Variants in SLC25A21 observed in about 807,000 individuals in gnomAD.
SLC25A21 encodes mitochondrial 2-oxodicarboxylate carrier.
A neutral mutation model predicts 43.8 loss-of-function variants in SLC25A21; 47 were observed. The observed-to-expected ratio is 1.07, with a 90% CI of 0.85 to 1.37. SLC25A21 has a LOEUF of 1.37. Ranked by LOEUF, SLC25A21 falls within the 40% of genes most tolerant of loss-of-function variation. The probability of loss-of-function intolerance (pLI) is 0.00; values close to 1 mark genes in which losing one functional copy is unlikely to be tolerated. For synonymous variants in SLC25A21, 131 were observed against 121.3 expected (o/e 1.08, Z -0.52); for missense variants, 352 against 350.2 (o/e 1.00, Z -0.04).
intron 3 of SLC25A21, among the ~76,000 whole-genome samples, chr14:36,756,526 G>C (rs1477017584): frequency 6.6e-6 from 1 of 152,192 alleles, no homozygotes; most frequent in Non-Finnish European, 1.5e-5. Flanking sequence ...CTGTGCTCAA[G>C]GATGCGGAAA....
At chr14:36,785,600 A>G (rs1368271236) in intron 3 of SLC25A21, among the ~76,000 whole-genome samples, 1 of 152,230 alleles carries the variant, frequency 6.6e-6, no homozygotes, top group Non-Finnish European at 1.5e-5. Context: ...TTAAAACTAC[A>G]ATATGAAAAG....
chr14:36,732,199 C>T (rs927732978), intron 4 of SLC25A21, among the ~76,000 whole-genome samples: 2 of 150,804 alleles, frequency 1.3e-5, no homozygotes, highest in Admixed American at 1.3e-4. Flanking sequence ...TATATGTTTC[C>T]TTTATTCATC....
chr14:36,728,797 T>G (rs1884700185), intron 5 of SLC25A21, among the ~76,000 whole-genome samples: 1 of 152,222 alleles, frequency 6.6e-6, no homozygotes, highest in Admixed American at 6.5e-5. Context: ...ATGCAGATTT[T>G]GTTTTGCTTT....
chr14:37,032,326 G>C (rs1262091391), intron 1 of SLC25A21, among the ~76,000 whole-genome samples: 1 of 152,026 alleles, frequency 6.6e-6, no homozygotes, highest in South Asian at 2.1e-4. Context: ...ACGAGGTCAC[G>C]AGATCGAGAC....
intron 2 of SLC25A21, among the ~76,000 whole-genome samples, chr14:36,868,077 T>C (rs1004685686): frequency 1.8e-4 from 27 of 151,618 alleles, no homozygotes; most frequent in Non-Finnish European, 3.8e-4. Context: ...ATGAAGCCTA[T>C]ATAAGAAAAG....
chr14:37,070,197 CT>C (rs1207834617), intron 1 of SLC25A21, among the ~76,000 whole-genome samples: 5 of 152,110 alleles, frequency 3.3e-5, no homozygotes, highest in Non-Finnish European at 5.9e-5. Context: ...GCCCATTTAC[CT>C]TCTTTGATGG....
At position 36,927,091 on chromosome 14, in the gene SLC25A21, AC is replaced by A. The variant is rs1411304611; in HGVS notation, c.71-52088del. ...AGGCTGAGACACAAGAGTCGCTTGA[AC>A]CTGGGAGGCAGAGGTTGCAGTGAGC... is the stretch of plus-strand genomic sequence containing the variant. On this transcript the variant is annotated intron_variant, in intron 1 of 9. Transcript: ENST00000331299. Among the ~76,000 whole-genome samples the A allele has an allele frequency of 2.6e-5, 4 of 152,216 alleles. No homozygotes were observed. In the East Asian group the frequency reaches 7.7e-4, roughly 29 times the overall value.
At chr14:36,714,947 A>T (rs548527984) in intron 6 of SLC25A21, among the ~76,000 whole-genome samples, 2 of 152,288 alleles carry the variant, frequency 1.3e-5, no homozygotes, top group South Asian at 4.1e-4. Context: ...CAACCTTGTA[A>T]TGTGGGCAGC....
chr14:36,901,666 T>C (rs1891402522), intron 1 of SLC25A21, among the ~76,000 whole-genome samples: 1 of 152,174 alleles, frequency 6.6e-6, no homozygotes, highest in Admixed American at 6.6e-5. Flanking sequence ...GAAAATTGTA[T>C]CTAACAAATA....
chr14:36,996,260 A>G (rs1399120598), intron 1 of SLC25A21, among the ~76,000 whole-genome samples: 1 of 152,136 alleles, frequency 6.6e-6, no homozygotes, highest in Non-Finnish European at 1.5e-5. Flanking sequence ...TCATTATCTT[A>G]GTTCTCTGTG....
At chr14:37,148,128 A>C (rs922432048) in intron 1 of SLC25A21, among the ~76,000 whole-genome samples, 2 of 150,114 alleles carry the variant, frequency 1.3e-5, no homozygotes, top group Non-Finnish European at 3.0e-5. Flanking sequence ...ATGAGCCACC[A>C]CCCCCAGCCC....
intron 3 of SLC25A21, among the ~76,000 whole-genome samples, chr14:36,796,040 T>C (rs997105211): frequency 6.6e-6 from 1 of 152,160 alleles, no homozygotes; most frequent in Non-Finnish European, 1.5e-5. Context: ...GGTGTCTGAT[T>C]GAGAGATGAA....
At chr14:36,821,203 G>A (rs1485865919) in intron 2 of SLC25A21, among the ~76,000 whole-genome samples, 1 of 152,146 alleles carries the variant, frequency 6.6e-6, no homozygotes, top group East Asian at 1.9e-4. Context: ...CACCATGTAT[G>A]TTTCTTTCCC....
intron 1 of SLC25A21, among the ~76,000 whole-genome samples, chr14:37,102,168 C>T (rs1359930908): frequency 1.3e-5 from 2 of 152,060 alleles, no homozygotes; most frequent in African/African-American, 2.4e-5. Context: ...TGGCCAGGCA[C>T]GGTGGTTCAC....
intron 1 of SLC25A21, among the ~76,000 whole-genome samples, chr14:37,013,785 T>C (rs1198176913): frequency 1.3e-5 from 2 of 152,080 alleles, no homozygotes; most frequent in African/African-American, 2.4e-5. Flanking sequence ...CTTTACTTTT[T>C]ATTTATTTTC....
chr14:36,779,833 C>T (rs927760927), intron 3 of SLC25A21, among the ~76,000 whole-genome samples: 4 of 151,360 alleles, frequency 2.6e-5, no homozygotes, highest in African/African-American at 9.7e-5. Flanking sequence ...TTTCTGGATA[C>T]CATGGTAGTT....
At chr14:37,120,446 T>C (rs1434488604) in intron 1 of SLC25A21, among the ~76,000 whole-genome samples, 1 of 152,218 alleles carries the variant, frequency 6.6e-6, no homozygotes, top group Non-Finnish European at 1.5e-5. Context: ...TGTTCATCAA[T>C]ACTGCCTTCA....
chr14:37,007,056 T>G (rs1477750126), intron 1 of SLC25A21, among the ~76,000 whole-genome samples: 1 of 152,182 alleles, frequency 6.6e-6, no homozygotes, highest in African/African-American at 2.4e-5. Flanking sequence ...GAAGACACCA[T>G]AGGGTGATTA....
intron 1 of SLC25A21, among the ~76,000 whole-genome samples, chr14:37,105,464 G>C (rs1566885257): frequency 6.6e-6 from 1 of 152,162 alleles, no homozygotes; most frequent in Non-Finnish European, 1.5e-5. Flanking sequence ...GGGGATGGGG[G>C]TGTGGGCCTT....
Sources: gnomAD v4.1 joint callset for allele counts (sites outside exome capture counted in the v4.1 genomes callset) on GRCh38, gnomAD v4.1.1 for gene constraint, MANE v1.5 for transcripts, NCBI Gene and HGNC (gene_info 2026-07-23, HGNC 2026-07-21) for gene names.